The following RRP1 variants were observed in gnomAD, a reference collection of about 807,000 sequenced individuals.
RRP1 encodes ribosomal RNA processing protein 1 homolog A.
In RRP1, 37 loss-of-function variants were observed where a neutral mutation model predicts 54.6. The ratio of observed to expected loss-of-function variants is 0.68; its 90% CI spans 0.52 to 0.89. The LOEUF is 0.89. RRP1 is among the 40% of genes least tolerant of loss of function. The pLI is 0.00. For missense variants in RRP1, 639 were observed against 612.5 expected (o/e 1.04, Z -0.46); for synonymous variants, 262 against 244.3 (o/e 1.07, Z -0.67).
At chr21:43,793,533 G>A in intron 4 of RRP1, 129 bp downstream of exon 4, 1 of 711,488 alleles carries the variant, frequency 1.4e-6, no homozygotes, top group Admixed American at 2.4e-5. Context: ...GGGGTGGGAG[G>A]TGGAGCCGAG....
chr21:43,799,431 T>C (rs3831400), intron 8 of RRP1, 139 bp from the exon 9 acceptor site: 76 of 700,982 alleles, frequency 1.1e-4, no homozygotes, highest in Non-Finnish European at 1.5e-4. Context: ...GGGTGCAGGG[T>C]GGGCTGTCCG....
At position 43,802,261 on chromosome 21, in the gene RRP1, C is replaced by T. The variant is rs755168057; in HGVS notation, c.1010-13C>T. 6 of 1,606,770 alleles carry T rather than the reference C, an allele frequency of 3.7e-6. No individual in the cohort carries two copies. On this transcript the variant is annotated splice_polypyrimidine_tract_variant and intron_variant, in intron 11 of 12. Coordinates refer to ENST00000497547, the MANE Select transcript of RRP1 (RefSeq NM_003683.6). Reference sequence around the variant, plus strand: ...GCCCCCGAGAGCCCCCTGACTTCTGCCCTGGTTCTCAGGCATTTTCCCTGA... The same window carrying T: ...GCCCCCGAGAGCCCCCTGACTTCTGTCCTGGTTCTCAGGCATTTTCCCTGA...
At chr21:43,797,264 TATC>T in intron 5 of RRP1, 155 bp from the exon 6 acceptor site, 3 of 1,266,552 alleles carry the variant, frequency 2.4e-6, no homozygotes, top group Non-Finnish European at 3.2e-6. Context: ...GGATCGTTGA[TATC>T]ATCTGCGTGG....
chr21:43,791,215 C>G (rs1002685184), intron 1 of RRP1, 135 bp from the exon 2 acceptor site: 1 of 871,818 alleles, frequency 1.1e-6, no homozygotes, highest in Non-Finnish European at 1.9e-6. Context: ...AGGGGAGGGC[C>G]AGATTCTGCC....
chr21:43,801,163 G>C (rs1017320276), intron 11 of RRP1, among the ~76,000 whole-genome samples: 1 of 152,230 alleles, frequency 6.6e-6, no homozygotes, highest in Non-Finnish European at 1.5e-5. Context: ...CCGCGGTGCT[G>C]CTGCTGGTCT....
intron 1 of RRP1, 175 bp from the exon 2 acceptor site, chr21:43,791,175 G>A (rs568853179): frequency 1.3e-5 from 9 of 685,524 alleles, no homozygotes; most frequent in South Asian, 3.0e-5. Context: ...CCACAGGCGC[G>A]GCAGGTTCTG....
intron 2 of RRP1, among the ~76,000 whole-genome samples, chr21:43,792,433 T>C (rs547943621): frequency 1.7e-4 from 26 of 152,316 alleles, no homozygotes; most frequent in African/African-American, 6.3e-4. Flanking sequence ...TGTGAGAGGC[T>C]GTTGACCCCA....
At position 43,797,420 on chromosome 21, in the gene RRP1, A is replaced by G; in HGVS notation, c.423-2A>G. 1 of 1,609,632 alleles carries G rather than the reference A, an allele frequency of 6.2e-7. No individual in the cohort carries two copies. The highest frequency in any genetic ancestry group is 8.5e-7 in the Non-Finnish European group (1 of 1,179,380). On this transcript the variant is annotated splice_acceptor_variant, in intron 5 of 12. Coordinates refer to ENST00000497547, the MANE Select transcript of RRP1 (RefSeq NM_003683.6). LOFTEE classifies it high-confidence loss of function. Reference sequence around the variant, plus strand: ...TGTCATGTTTGCTTTTTCTTTCCTCAGACAGATCGAGGAGCTGCTAGAGCT... The same window carrying G: ...TGTCATGTTTGCTTTTTCTTTCCTCGGACAGATCGAGGAGCTGCTAGAGCT...
At chr21:43,801,118 A>G (rs1307906265) in intron 11 of RRP1, among the ~76,000 whole-genome samples, 3 of 152,032 alleles carry the variant, frequency 2.0e-5, no homozygotes, top group Non-Finnish European at 2.9e-5. Flanking sequence ...AGCCTGAGAG[A>G]TGGGGTGCTG....
In RRP1 at chr21:43,803,534, G is replaced by A. The variant is rs763176941; in HGVS notation, c.1146G>A (p.Pro382=). 5.1e-6 allele frequency: 8 copies of A among 1,557,342 alleles called. No homozygotes were observed. Among genetic ancestry groups the A allele is most frequent in the South Asian group, 1.2e-5 (1 of 84,846 alleles). ...CAGGGAAAGGTGAGAAGGAGCCCCC[G>A]AGCCCGGGCATGGAGAGGAAGAGGA... ...QERGKGEKEP[P]SPGMERKRSR... The change falls in exon 13 of 13, where the codon CCG becomes CCA. Residue 382 remains proline, a synonymous_variant. Coordinates refer to ENST00000497547, the MANE Select transcript of RRP1 (RefSeq NM_003683.6).
rs987556840 is a variant in RRP1, at chr21:43,789,872, T to TGGCCG, written c.133+119_133+123dup. ...CTCCGAGCCCTGTGGAACCTCCACG[T>TGGCCG]GGCCGGGCCGGGCAGGCGGGGTCCA... is the stretch of plus-strand genomic sequence containing the variant. On this transcript the variant is annotated intron_variant, in intron 1 of 12. Transcript: ENST00000497547. 16 of 1,299,874 alleles carry TGGCCG rather than the reference T, an allele frequency of 1.2e-5. No individual in the cohort carries two copies. The African/African-American group carries it at 2.4e-4, about 19-fold the overall frequency. The allele number at this position is 1,299,874 out of a possible 1,614,324, so 80.5% of individuals were successfully genotyped here. A position where few individuals can be genotyped will look rare whatever the true frequency, so the allele number is the denominator to read the frequency against.
intron 2 of RRP1, 77 bp downstream of exon 2, chr21:43,791,509 C>CT (rs955746364): frequency 8.4e-3 from 10,242 of 1,221,484 alleles, no homozygotes; most frequent in Non-Finnish European, 9.3e-3. Flanking sequence ...CCCAGTTTTT[C>CT]TTTTTTTTTT....
At chr21:43,800,461 C>T (rs1235922702) in intron 9 of RRP1, 56 bp from the exon 10 acceptor site, 19 of 1,553,322 alleles carry the variant, frequency 1.2e-5, no homozygotes, top group Middle Eastern at 1.7e-4. Flanking sequence ...TCCACGTTCT[C>T]GGAGCACGCA....
At chr21:43,798,666 G>A (rs79536883) in intron 8 of RRP1, among the ~76,000 whole-genome samples, 1 of 151,990 alleles carries the variant, frequency 6.6e-6, no homozygotes, top group African/African-American at 2.4e-5. Flanking sequence ...TGAGGGGCAG[G>A]TGTACTCACC....
At chr21:43,803,091 T>C (rs1423229015) in intron 12 of RRP1, among the ~76,000 whole-genome samples, 1 of 152,232 alleles carries the variant, frequency 6.6e-6, no homozygotes, top group African/African-American at 2.4e-5. Context: ...TGCCCAGAGC[T>C]CCGTGCCATT....
chr21:43,797,400 T>C (rs1054735840), intron 5 of RRP1, 22 bp from the exon 6 acceptor site: 2 of 1,599,440 alleles, frequency 1.3e-6, no homozygotes, highest in African/African-American at 1.3e-5. Context: ...CTGCCTGTCA[T>C]GTTTGCTTTT....
Position 43,791,565 on chromosome 21 carries a change from C to T in RRP1, c.216+133C>T, listed in dbSNP as rs143643505. ...TTGCCCAGGCTGGAGTGCAGTGGCT[C>T]AATCTCGGCTTACTGCAACCTCAGC... On this transcript the variant is annotated intron_variant, in intron 2 of 12. Transcript: ENST00000497547. 703 of 763,004 alleles carry T rather than the reference C, an allele frequency of 9.2e-4. 4 individuals carry two copies. In the African/African-American group the frequency reaches 9.9e-3, roughly 11 times the overall value. The allele number at this position is 763,004 out of a possible 1,614,324, so 47.3% of individuals were successfully genotyped here.
intron 9 of RRP1, among the ~76,000 whole-genome samples, chr21:43,799,964 C>T (rs2123419221): frequency 6.6e-6 from 1 of 152,366 alleles, no homozygotes; most frequent in South Asian, 2.1e-4. Flanking sequence ...TGGGCAGCCC[C>T]CCAGATTTCC....
chr21:43,800,897 G>A lies in RRP1; in HGVS notation c.1009+16G>A. The stretch of plus-strand genomic sequence containing the variant: ...CTGGCAGGAGGTGAGGATCGGCCGG[G>A]CACTGACAGTGGCACCACCTTGGAG... On this transcript the variant is annotated intron_variant, in intron 11 of 12. Transcript: ENST00000497547. 1.2e-6 allele frequency: 2 copies of A among 1,613,602 alleles called. No homozygotes were observed. Among genetic ancestry groups the A allele is most frequent in the Non-Finnish European group, 8.5e-7 (1 of 1,179,966 alleles).
Sources: gnomAD v4.1 joint callset for allele counts (sites outside exome capture counted in the v4.1 genomes callset) on GRCh38, gnomAD v4.1.1 for gene constraint, MANE v1.5 for transcripts, NCBI Gene and HGNC (gene_info 2026-07-23, HGNC 2026-07-21) for gene names.